TENM4: variants seen among roughly 807,000 people sequenced by gnomAD.
TENM4 encodes teneurin-4.
A neutral mutation model predicts 243.3 loss-of-function variants in TENM4; 82 were observed. The observed-to-expected ratio is 0.34, with a 90% CI of 0.28 to 0.40. The LOEUF is 0.40. Among genes scored for constraint, TENM4 ranks in the 10% least tolerant of loss-of-function variants. TENM4 has a pLI of 1.00. For synonymous variants in TENM4, 1,412 were observed against 1,456.3 expected (o/e 0.97, Z 0.69); for missense variants, 3,138 against 3,673.3 (o/e 0.85, Z 3.77).
chr11:79,188,439 G>A (rs1458822594), intron 3 of TENM4, among the ~76,000 whole-genome samples: 1 of 152,042 alleles, frequency 6.6e-6, no homozygotes, highest in Admixed American at 6.6e-5. Flanking sequence ...CCCAGCTTAT[G>A]AACCCTAGAG....
intron 2 of TENM4, among the ~76,000 whole-genome samples, chr11:79,289,538 T>C (rs971112426): frequency 2.9e-4 from 44 of 152,220 alleles, no homozygotes; most frequent in Admixed American, 1.1e-3. Flanking sequence ...CTGAAGACCA[T>C]CCCAGCTCCA....
At chr11:79,228,667 T>C (rs1864319879) in intron 2 of TENM4, among the ~76,000 whole-genome samples, 1 of 152,062 alleles carries the variant, frequency 6.6e-6, no homozygotes, top group Admixed American at 6.6e-5. Context: ...CAAGAAAATT[T>C]GGAGGTTACA....
At chr11:78,738,841 T>C (rs957692168) in intron 19 of TENM4, among the ~76,000 whole-genome samples, 5 of 152,244 alleles carry the variant, frequency 3.3e-5, no homozygotes, top group Admixed American at 1.3e-4. Flanking sequence ...TGTATTATGC[T>C]GTAAGGAGAT....
intron 15 of TENM4, among the ~76,000 whole-genome samples, chr11:78,793,037 T>C (rs1395800325): frequency 6.6e-6 from 1 of 152,186 alleles, no homozygotes; most frequent in East Asian, 1.9e-4. Flanking sequence ...CAGGAAAAGC[T>C]GCCCCAGGCT....
intron 2 of TENM4, among the ~76,000 whole-genome samples, 186 bp from the exon 3 acceptor site, chr11:79,216,095 G>T (rs867896854): frequency 5.9e-5 from 9 of 152,316 alleles, no homozygotes; most frequent in Middle Eastern, 3.4e-3. Flanking sequence ...CCACACAGAT[G>T]GTTCCTCTAT....
intron 4 of TENM4, among the ~76,000 whole-genome samples, chr11:79,129,858 C>A (rs932193499): frequency 1.3e-5 from 2 of 152,124 alleles, no homozygotes; most frequent in African/African-American, 4.8e-5. Flanking sequence ...CCCCACCCAC[C>A]GCTGGTTCCT....
intron 12 of TENM4, among the ~76,000 whole-genome samples, chr11:78,834,558 C>T (rs1396669214): frequency 6.6e-6 from 1 of 150,838 alleles, no homozygotes. Context: ...TCTTTTGGTC[C>T]CCCCACTCTT....
intron 6 of TENM4, among the ~76,000 whole-genome samples, chr11:79,002,459 G>T (rs1858354895): frequency 6.6e-6 from 1 of 152,198 alleles, no homozygotes; most frequent in South Asian, 2.1e-4. Context: ...AATGCAGCAG[G>T]TTCCTAACCT....
chr11:79,093,299 G>A (rs558430931), intron 4 of TENM4: 2 of 152,254 alleles, frequency 1.3e-5, no homozygotes, highest in Non-Finnish European at 2.9e-5. Context: ...TGGACTGGCA[G>A]AGGGAGCTTG....
chr11:79,290,179 C>T (rs1856330945), intron 2 of TENM4, among the ~76,000 whole-genome samples: 1 of 152,138 alleles, frequency 6.6e-6, no homozygotes, highest in South Asian at 2.1e-4. Flanking sequence ...GTCAGTTCTC[C>T]TCCCAGCCTC....
At chr11:78,943,238 C>A (rs1032147972) in intron 6 of TENM4, among the ~76,000 whole-genome samples, 4 of 152,214 alleles carry the variant, frequency 2.6e-5, no homozygotes, top group African/African-American at 9.6e-5. Context: ...GGGGAGATTT[C>A]ACACCCCAAC....
At chr11:79,291,575 C>T (rs1222605319) in intron 2 of TENM4, among the ~76,000 whole-genome samples, 1 of 152,060 alleles carries the variant, frequency 6.6e-6, no homozygotes, top group Admixed American at 6.5e-5. Flanking sequence ...TATGGAAATC[C>T]CAGAGAGGAT....
chr11:79,395,558 T>C (rs1046870567), intron 1 of TENM4, among the ~76,000 whole-genome samples: 1 of 152,194 alleles, frequency 6.6e-6, no homozygotes, highest in Non-Finnish European at 1.5e-5. Flanking sequence ...GTGTTGTTGT[T>C]GACAAATTCG....
At position 78,840,124 on chromosome 11, in the gene TENM4, G is replaced by T. The variant is rs184896307; in HGVS notation, c.1681+13980C>A. On this transcript the variant is annotated intron_variant, in intron 12 of 33. Transcript: ENST00000278550. The stretch of plus-strand genomic sequence containing the variant: ...CACTTTCTTCCTCCATCACTTAAAA[G>T]AAAGAGATAATGGTAGAACAATCTC... Among the ~76,000 whole-genome samples the T allele has an allele frequency of 1.2e-4, 18 of 152,298 alleles. No individual in the cohort carries two copies. In the East Asian group the frequency reaches 3.3e-3, roughly 28 times the overall value.
intron 2 of TENM4, among the ~76,000 whole-genome samples, chr11:79,281,850 T>TAATA (rs1181078502): frequency 6.6e-6 from 1 of 152,252 alleles, no homozygotes; most frequent in East Asian, 1.9e-4. Flanking sequence ...GCAGGTCCTT[T>TAATA]AAGGTCCGCC....
chr11:79,426,594 C>A (rs986145893), intron 1 of TENM4, among the ~76,000 whole-genome samples: 1 of 152,132 alleles, frequency 6.6e-6, no homozygotes, highest in Non-Finnish European at 1.5e-5. Flanking sequence ...AAGAGTGGTC[C>A]GCTGTGAGGT....
intron 2 of TENM4, among the ~76,000 whole-genome samples, chr11:79,259,136 A>G (rs1235808437): frequency 1.3e-5 from 2 of 152,208 alleles, no homozygotes; most frequent in South Asian, 2.1e-4. Flanking sequence ...GGTGTGCCAT[A>G]ATGAGAATAT....
intron 12 of TENM4, among the ~76,000 whole-genome samples, chr11:78,821,162 C>G (rs1307090013): frequency 6.6e-6 from 1 of 152,196 alleles, no homozygotes; most frequent in African/African-American, 2.4e-5. Context: ...CTATTAAGAC[C>G]AGCTCTAAGG....
In TENM4 at chr11:79,135,697, A is replaced by G. The variant is rs372538999; in HGVS notation, c.-66+13013T>C. ...GATATATCATATATGTATGATATATATGATACATCATACATATATGATCAT... is the reference window on the plus strand; with the variant it reads ...GATATATCATATATGTATGATATATGTGATACATCATACATATATGATCAT... On this transcript the variant is annotated intron_variant, in intron 4 of 33. Coordinates refer to ENST00000278550, the MANE Select transcript of TENM4 (RefSeq NM_001098816.3). Among the ~76,000 whole-genome samples the G allele has an allele frequency of 2.9e-5, 4 of 135,630 alleles. No individual in the cohort carries two copies. The East Asian group carries it at 5.9e-4, about 20-fold the overall frequency. 89.0% of individuals were successfully genotyped at this position (135,630 alleles called of 152,430 possible).
Sources: allele counts gnomAD v4.1 joint callset (sites outside exome capture counted in the v4.1 genomes callset), GRCh38; gene constraint gnomAD v4.1.1; transcripts MANE v1.5; gene names NCBI Gene and HGNC (gene_info 2026-07-23, HGNC 2026-07-21).